SYT9: variants seen among roughly 807,000 people sequenced by gnomAD.
The protein encoded by SYT9 is synaptotagmin-9.
A neutral mutation model predicts 48.4 loss-of-function variants in SYT9; 22 were observed. The observed-to-expected ratio is 0.45, with a 90% CI of 0.32 to 0.65. The LOEUF (loss-of-function observed/expected upper bound fraction) is 0.65. SYT9 is among the 30% of genes least tolerant of loss of function. The pLI is 0.03. For synonymous variants in SYT9, 265 were observed against 245.0 expected (o/e 1.08, Z -0.76); for missense variants, 577 against 622.0 (o/e 0.93, Z 0.77).
chr11:7,288,472 C>G (rs560315961), intron 1 of SYT9, among the ~76,000 whole-genome samples: 1 of 152,288 alleles, frequency 6.6e-6, no homozygotes, highest in East Asian at 1.9e-4. Context: ...CCTTTTGGGC[C>G]TGATACATTA....
chr11:7,414,602 A>G (rs1464972755), intron 3 of SYT9, among the ~76,000 whole-genome samples: 1 of 150,946 alleles, frequency 6.6e-6, no homozygotes, highest in Non-Finnish European at 1.5e-5. Context: ...ATGCCCAGTC[A>G]CATGGGTCCC....
intron 3 of SYT9, among the ~76,000 whole-genome samples, chr11:7,369,541 G>C (rs1850317303): frequency 6.6e-6 from 1 of 152,064 alleles, no homozygotes; most frequent in South Asian, 2.1e-4. Flanking sequence ...TTTTAGTCAT[G>C]AAGTCTTTGC....
At position 7,412,470 on chromosome 11, in the gene SYT9, T is replaced by A. The variant is rs928972827; in HGVS notation, c.1045-3572T>A. Among the ~76,000 whole-genome samples the A allele has an allele frequency of 4.6e-5, 7 of 152,352 alleles. No homozygotes were observed. In the East Asian group the frequency reaches 1.3e-3, roughly 29 times the overall value. The stretch of plus-strand genomic sequence containing the variant: ...AAATAGTATCAGTGGTATCTGTGAT[T>A]TATTTCCTTGATAGCTTAGGGTGTG... On this transcript the variant is annotated intron_variant, in intron 3 of 6. Transcript: ENST00000318881.
At chr11:7,332,118 G>C (rs960590318) in intron 3 of SYT9, among the ~76,000 whole-genome samples, 1 of 152,156 alleles carries the variant, frequency 6.6e-6, no homozygotes, top group Non-Finnish European at 1.5e-5. Flanking sequence ...CCATAAAGAA[G>C]AAAGGGAGGC....
At chr11:7,282,063 A>G (rs1183990651) in intron 1 of SYT9, among the ~76,000 whole-genome samples, 1 of 152,192 alleles carries the variant, frequency 6.6e-6, no homozygotes, top group African/African-American at 2.4e-5. Flanking sequence ...TGCTGTGGAC[A>G]TTGGCCATGA....
chr11:7,348,251 C>G (rs1431088170), intron 3 of SYT9, among the ~76,000 whole-genome samples: 8 of 152,164 alleles, frequency 5.3e-5, no homozygotes, highest in Non-Finnish European at 1.2e-4. Flanking sequence ...TGTACCAACT[C>G]TACCCCCCTC....
intron 3 of SYT9, among the ~76,000 whole-genome samples, chr11:7,360,283 T>C (rs1850107823): frequency 6.6e-6 from 1 of 152,148 alleles, no homozygotes; most frequent in Admixed American, 6.5e-5. Context: ...AGTCAGGTAG[T>C]GTGATGCCTC....
Position 7,313,385 on chromosome 11 carries a change from T to A in SYT9, c.498-10T>A. 3 of 1,598,798 alleles carry A rather than the reference T, an allele frequency of 1.9e-6. No individual in the cohort carries two copies. Among genetic ancestry groups the A allele is most frequent in the Non-Finnish European group, 2.6e-6 (3 of 1,174,256 alleles). On this transcript the variant is annotated splice_polypyrimidine_tract_variant and intron_variant, in intron 2 of 6. Transcript: ENST00000318881. ...GTTATAACTTTGTTCTGTGTTGCTC[T>A]TCATTCAAGGCATAATTCAATCCGA...
chr11:7,253,560 G>C (rs1393096352), intron 1 of SYT9, among the ~76,000 whole-genome samples: 1 of 144,422 alleles, frequency 6.9e-6, no homozygotes, highest in Non-Finnish European at 1.5e-5. Context: ...GTTTATATCA[G>C]ATTTTCCCTA....
intron 1 of SYT9, among the ~76,000 whole-genome samples, chr11:7,295,225 G>A (rs1848776686): frequency 6.6e-6 from 1 of 152,162 alleles, no homozygotes; most frequent in Non-Finnish European, 1.5e-5. Context: ...CAGCTAGGAG[G>A]AGCCAAGCTG....
intron 3 of SYT9, among the ~76,000 whole-genome samples, chr11:7,339,707 T>C (rs1217548769): frequency 6.6e-6 from 1 of 152,106 alleles, no homozygotes; most frequent in Non-Finnish European, 1.5e-5. Context: ...GTTCGTAGAG[T>C]TTCTGCTGAG....
chr11:7,316,787 C>A (rs904189118), intron 3 of SYT9, among the ~76,000 whole-genome samples: 3 of 152,186 alleles, frequency 2.0e-5, no homozygotes, highest in Non-Finnish European at 4.4e-5. Context: ...ACTTTCTCTC[C>A]AACTCTTGCA....
intron 1 of SYT9, among the ~76,000 whole-genome samples, chr11:7,284,428 G>T (rs1428017922): frequency 6.6e-6 from 1 of 152,014 alleles, no homozygotes; most frequent in African/African-American, 2.4e-5. Context: ...TAAATGTTGA[G>T]CCCTTTACAT....
intron 3 of SYT9, among the ~76,000 whole-genome samples, chr11:7,374,056 A>G (rs1029048299): frequency 1.3e-5 from 2 of 152,000 alleles, no homozygotes; most frequent in Middle Eastern, 3.4e-3. Context: ...ATTTCTCCCA[A>G]TGCTATCCCT....
chr11:7,287,489 A>G (rs1312708675), intron 1 of SYT9, among the ~76,000 whole-genome samples: 1 of 152,212 alleles, frequency 6.6e-6, no homozygotes, highest in Non-Finnish European at 1.5e-5. Flanking sequence ...CCTGACCAAC[A>G]TCAGTCTCAG....
At chr11:7,374,319 CATT>C (rs1230140979) in intron 3 of SYT9, among the ~76,000 whole-genome samples, 8 of 152,052 alleles carry the variant, frequency 5.3e-5, no homozygotes, top group African/African-American at 1.9e-4. Context: ...TTCAGTCTAT[CATT>C]ATGGGCATTT....
At chr11:7,414,852 G>A (rs996692701) in intron 3 of SYT9, among the ~76,000 whole-genome samples, 1 of 152,132 alleles carries the variant, frequency 6.6e-6, no homozygotes, top group Non-Finnish European at 1.5e-5. Context: ...GAGAAGGGGA[G>A]GGAAAGCTTT....
chr11:7,370,563 C>T (rs1352171326), intron 3 of SYT9, among the ~76,000 whole-genome samples: 1 of 152,038 alleles, frequency 6.6e-6, no homozygotes, highest in Non-Finnish European at 1.5e-5. Context: ...ATATTTTACA[C>T]CTAAAATAGG....
chr11:7,303,335 T>C lies in SYT9; in HGVS notation c.442T>C (p.Cys148Arg). 6.2e-7 allele frequency: 1 copy of C among 1,613,638 alleles called. No homozygotes were observed. The highest frequency in any genetic ancestry group is 1.1e-5 in the South Asian group (1 of 91,072). Residue 148 changes from cysteine to arginine, a missense_variant, in exon 2 of 7, where the codon TGT (cysteine) becomes CGT (arginine). Coordinates refer to ENST00000318881, the MANE Select transcript of SYT9 (RefSeq NM_175733.4). ...LSTQTGIQEN[C>R]AHGVRVQRQV... ...CACCCAGACGGGGATCCAGGAGAAC[T>C]GTGCCCATGGCGTCCGCGTGCAGCG... is the stretch of plus-strand genomic sequence containing the variant.
Sources: allele counts gnomAD v4.1 joint callset (sites outside exome capture counted in the v4.1 genomes callset), GRCh38; gene constraint gnomAD v4.1.1; transcripts MANE v1.5; gene names NCBI Gene and HGNC (gene_info 2026-07-23, HGNC 2026-07-21).